The following SFMBT2 variants were observed in gnomAD, a reference collection of about 807,000 sequenced individuals.
SFMBT2 encodes the protein Scm like with four mbt domains 2.
SFMBT2 carries 38 observed loss-of-function variants against 110.1 expected under a neutral mutation model. That is an observed-to-expected ratio of 0.35 (90% CI 0.27 to 0.45). The LOEUF (loss-of-function observed/expected upper bound fraction) is 0.45. SFMBT2 is among the 20% of genes least tolerant of loss of function. SFMBT2 has a pLI of 1.00. For synonymous variants in SFMBT2, 425 were observed against 425.4 expected, an observed-to-expected ratio of 1.00 and a Z score of 0.01; for missense variants, 1,011 against 1,094.9, an observed-to-expected ratio of 0.92 and a Z score of 1.08.
chr10:7,246,580 G>A (rs561335468), intron 8 of SFMBT2, among the ~76,000 whole-genome samples: 10 of 151,812 alleles, frequency 6.6e-5, no homozygotes, highest in Admixed American at 1.3e-4. Context: ...TTAGCCAGGC[G>A]TGGTGGCAGG....
chr10:7,206,213 G>A (rs181029826), intron 11 of SFMBT2: 31 of 985,406 alleles, frequency 3.1e-5, no homozygotes, highest in Non-Finnish European at 2.4e-6. Flanking sequence ...AGTAAAAGAG[G>A]AAGAAGGACC....
At chr10:7,405,931 A>T (rs773032051) in intron 1 of SFMBT2, among the ~76,000 whole-genome samples, 64 of 147,572 alleles carry the variant, frequency 4.3e-4, no homozygotes, top group Non-Finnish European at 8.3e-4. Context: ...GTTTGTTGTG[A>T]CGCATAATTT....
At position 7,216,742 on chromosome 10, in the gene SFMBT2, C is replaced by T. The variant is rs114236450; in HGVS notation, c.1330+3669G>A. 3.7e-3 allele frequency among the ~76,000 whole-genome samples: 562 copies of T among 152,294 alleles called. 3 individuals carry two copies. Among genetic ancestry groups the T allele is most frequent in the African/African-American group, 0.013 (551 of 41,554 alleles). ...TCAGTGTCAAAATTCCCGCCACTCCCTATGCCTCCTCACCTGGAATCCCCA... is the reference window on the plus strand; with the variant it reads ...TCAGTGTCAAAATTCCCGCCACTCCTTATGCCTCCTCACCTGGAATCCCCA... On this transcript the variant is annotated intron_variant, in intron 11 of 20. Transcript: ENST00000397167.
At chr10:7,360,237 G>A (rs1844671113) in intron 4 of SFMBT2, among the ~76,000 whole-genome samples, 1 of 152,230 alleles carries the variant, frequency 6.6e-6, no homozygotes, top group Admixed American at 6.5e-5. Context: ...GGAGGCCAAG[G>A]TGGAAAGATC....
At chr10:7,197,158 C>T (rs1380257563) in intron 15 of SFMBT2, among the ~76,000 whole-genome samples, 1 of 152,160 alleles carries the variant, frequency 6.6e-6, no homozygotes, top group Non-Finnish European at 1.5e-5. Context: ...GTGATTAACA[C>T]CCTCTGCTGC....
At chr10:7,251,101 T>C (rs1440070297) in intron 7 of SFMBT2, among the ~76,000 whole-genome samples, 2 of 152,090 alleles carry the variant, frequency 1.3e-5, no homozygotes, top group Non-Finnish European at 2.9e-5. Flanking sequence ...ACAAATTATA[T>C]GAATGTATTA....
chr10:7,376,561 T>C (rs1487637918), intron 2 of SFMBT2, among the ~76,000 whole-genome samples: 1 of 150,350 alleles, frequency 6.7e-6, no homozygotes, highest in Non-Finnish European at 1.5e-5. Flanking sequence ...TAGCCAGGCG[T>C]GGTGGTGGGC....
chr10:7,396,253 G>A (rs1308831744), intron 1 of SFMBT2, among the ~76,000 whole-genome samples: 2 of 152,200 alleles, frequency 1.3e-5, no homozygotes, highest in Non-Finnish European at 2.9e-5. Context: ...TCTCAAACAA[G>A]ACAAAACAAA....
At chr10:7,221,588 G>A (rs1468242029) in intron 10 of SFMBT2, among the ~76,000 whole-genome samples, 1 of 135,966 alleles carries the variant, frequency 7.4e-6, no homozygotes, top group African/African-American at 2.7e-5. Flanking sequence ...AAAAAAAAAA[G>A]ATTTTTTCAT....
rs141342844 is a variant in SFMBT2, at chr10:7,209,039, A to G, written c.1331-3111T>C. On this transcript the variant is annotated intron_variant, in intron 11 of 20. Transcript: ENST00000397167. ...AAAGTCAGTTATTTATCACCTGGGAAAGTGTTTCTGACCCTAAACAAATCC... is the reference window on the plus strand; with the variant it reads ...AAAGTCAGTTATTTATCACCTGGGAGAGTGTTTCTGACCCTAAACAAATCC... 2.8e-3 allele frequency among the ~76,000 whole-genome samples: 421 copies of G among 152,356 alleles called. 4 individuals are homozygous for G. The highest frequency in any genetic ancestry group is 0.019 in the South Asian group (94 of 4,830).
chr10:7,385,270 G>C (rs754006170), intron 1 of SFMBT2, among the ~76,000 whole-genome samples: 3 of 152,212 alleles, frequency 2.0e-5, no homozygotes, highest in African/African-American at 7.2e-5. Flanking sequence ...TGAGATGACA[G>C]GATCACGTGG....
At chr10:7,320,506 A>G in intron 4 of SFMBT2, 1 of 733,552 alleles carries the variant, frequency 1.4e-6, no homozygotes, top group Non-Finnish European at 1.7e-6. Context: ...TTCCTGGAGA[A>G]TCACTGGAGT....
At chr10:7,219,838 C>T (rs1334703774) in intron 11 of SFMBT2, 5 of 222,510 alleles carry the variant, frequency 2.2e-5, no homozygotes, top group Middle Eastern at 2.3e-3. Flanking sequence ...AAAGTATGAT[C>T]AGGATTCTGT....
chr10:7,402,174 A>C (rs965164452), intron 1 of SFMBT2, among the ~76,000 whole-genome samples: 7 of 152,044 alleles, frequency 4.6e-5, no homozygotes, highest in Non-Finnish European at 1.5e-5. Context: ...ATAGGAAAAA[A>C]TAAAAATGAC....
intron 4 of SFMBT2, among the ~76,000 whole-genome samples, chr10:7,326,263 C>G (rs966149957): frequency 6.6e-6 from 1 of 152,240 alleles, no homozygotes; most frequent in African/African-American, 2.4e-5. Flanking sequence ...AGGTTCCAAG[C>G]TCCATTCACT....
chr10:7,168,986 G>A (rs1207957934), intron 20 of SFMBT2, among the ~76,000 whole-genome samples: 1 of 151,950 alleles, frequency 6.6e-6, no homozygotes, highest in Admixed American at 6.6e-5. Flanking sequence ...TTTTTGAGAT[G>A]GAGTCTTACT....
At chr10:7,292,499 A>G (rs1485045999) in intron 4 of SFMBT2, among the ~76,000 whole-genome samples, 1 of 152,256 alleles carries the variant, frequency 6.6e-6, no homozygotes. Context: ...GTTCAAACAC[A>G]TAGATAAAAG....
At chr10:7,233,320 T>C (rs575081592) in intron 9 of SFMBT2, among the ~76,000 whole-genome samples, 24 of 152,196 alleles carry the variant, frequency 1.6e-4, no homozygotes, top group African/African-American at 5.5e-4. Flanking sequence ...CAGCGACTAC[T>C]GGGAGTAACA....
At chr10:7,287,099 T>G (rs1842114024) in intron 4 of SFMBT2, among the ~76,000 whole-genome samples, 2 of 148,336 alleles carry the variant, frequency 1.3e-5, no homozygotes, top group African/African-American at 5.0e-5. Flanking sequence ...TTTTTTTTTT[T>G]GAGACAGAGT....
Sources: gnomAD v4.1 joint callset for allele counts (sites outside exome capture counted in the v4.1 genomes callset) on GRCh38, gnomAD v4.1.1 for gene constraint, MANE v1.5 for transcripts, NCBI Gene and HGNC (gene_info 2026-07-23, HGNC 2026-07-21) for gene names.